Variants in NIPA1 observed in about 807,000 individuals in gnomAD.
NIPA1 encodes magnesium transporter NIPA1.
In NIPA1, 13 loss-of-function variants were observed where a neutral mutation model predicts 23.9. That is an observed-to-expected ratio of 0.54 (90% CI 0.35 to 0.87). NIPA1 has a LOEUF of 0.87. NIPA1 is among the 40% of genes least tolerant of loss of function. NIPA1 has a pLI of 0.01. For missense variants in NIPA1, 362 were observed against 429.7 expected (o/e 0.84, Z 1.39); for synonymous variants, 234 against 202.9 (o/e 1.15, Z -1.30).
intron 1 of NIPA1, among the ~76,000 whole-genome samples, chr15:22,798,736 T>A (rs2140854628): frequency 6.9e-6 from 1 of 144,914 alleles, no homozygotes; most frequent in Non-Finnish European, 1.5e-5. Context: ...CTCGGGAGTC[T>A]GAGGCAGGAG....
At chr15:22,822,719 C>T (rs1305197695) in intron 4 of NIPA1, among the ~76,000 whole-genome samples, 1 of 151,800 alleles carries the variant, frequency 6.6e-6, no homozygotes, top group Non-Finnish European at 1.5e-5. Context: ...CCCAGCTACT[C>T]AGGAGGCTGA....
At chr15:22,788,205 A>G (rs1894751866) in intron 1 of NIPA1, among the ~76,000 whole-genome samples, 1 of 152,102 alleles carries the variant, frequency 6.6e-6, no homozygotes, top group Admixed American at 6.6e-5. Flanking sequence ...AAACCGGAGT[A>G]GAAGAACATC....
intron 3 of NIPA1, among the ~76,000 whole-genome samples, chr15:22,815,266 T>C (rs1895394034): frequency 6.6e-6 from 1 of 152,222 alleles, no homozygotes; most frequent in Non-Finnish European, 1.5e-5. Context: ...ATGTATCAAA[T>C]CAACCTCCAT....
At chr15:22,793,335 G>A (rs1894870602) in intron 1 of NIPA1, among the ~76,000 whole-genome samples, 1 of 125,458 alleles carries the variant, frequency 8.0e-6, no homozygotes, top group Non-Finnish European at 1.6e-5. Context: ...CGCCAGCCAG[G>A]CTACGGAGTG....
chr15:22,808,881 G>T (rs1340490379), intron 1 of NIPA1, among the ~76,000 whole-genome samples: 1 of 151,822 alleles, frequency 6.6e-6, no homozygotes, highest in African/African-American at 2.4e-5. Flanking sequence ...TGTTGCCCAG[G>T]CTGACCTTGA....
In NIPA1 at chr15:22,828,060, C is replaced by A. The variant is rs529110333; in HGVS notation, c.*3821C>A. 1 of 152,558 alleles carries A rather than the reference C, an allele frequency of 6.6e-6. No homozygotes were observed. The highest frequency in any genetic ancestry group is 1.5e-5 in the Non-Finnish European group (1 of 68,044). 9.5% of individuals were successfully genotyped at this position (152,558 alleles called of 1,614,324 possible). A position where few individuals can be genotyped will look rare whatever the true frequency, so the allele number is the denominator to read the frequency against. ...GAAAGAGAACATTTCAGTGTAAGGT[C>A]TGTTCCCGACAGCATGGATTAGCTT... is the stretch of plus-strand genomic sequence containing the variant. On this transcript the variant is annotated 3_prime_UTR_variant, in exon 5 of 5. Coordinates refer to ENST00000337435, the MANE Select transcript of NIPA1 (RefSeq NM_144599.5).
chr15:22,813,577 GA>G, intron 3 of NIPA1: 1 of 450,006 alleles, frequency 2.2e-6, no homozygotes, highest in East Asian at 7.0e-5. Context: ...GGGTAGAAGA[GA>G]AATAAAATCC....
chr15:22,787,204 C>G (rs1000112263), intron 1 of NIPA1, among the ~76,000 whole-genome samples: 1 of 152,120 alleles, frequency 6.6e-6, no homozygotes, highest in Non-Finnish European at 1.5e-5. Context: ...TCGCCGTGGC[C>G]CGCAACCCGC....
chr15:22,820,530 T>A, intron 4 of NIPA1, 57 bp downstream of exon 4: 1 of 1,307,228 alleles, frequency 7.6e-7, no homozygotes, highest in South Asian at 1.2e-5. Flanking sequence ...GCCAACTTTT[T>A]TAACCACGTC....
At chr15:22,801,500 C>T (rs1264842079) in intron 1 of NIPA1, among the ~76,000 whole-genome samples, 1 of 137,282 alleles carries the variant, frequency 7.3e-6, no homozygotes, top group African/African-American at 2.8e-5. Flanking sequence ...GACAACACTT[C>T]TAGCGACTTT....
rs569217960 is a variant in NIPA1, at chr15:22,802,032, A to G, written c.179-8717A>G. ...TCCCATAGAAACTGCAAGAAACTTTATTACAGTGGTTAGTTGTATTAGGGT... is the reference window on the plus strand; with the variant it reads ...TCCCATAGAAACTGCAAGAAACTTTGTTACAGTGGTTAGTTGTATTAGGGT... On this transcript the variant is annotated intron_variant, in intron 1 of 4. Coordinates refer to ENST00000337435, the MANE Select transcript of NIPA1 (RefSeq NM_144599.5). Among the ~76,000 whole-genome samples the G allele has an allele frequency of 1.5e-4, 23 of 152,292 alleles. No individual in the cohort carries two copies. In the East Asian group the frequency reaches 3.5e-3, roughly 23 times the overall value.
chr15:22,811,077 C>T, intron 2 of NIPA1: 1 of 490,742 alleles, frequency 2.0e-6, no homozygotes, highest in Non-Finnish European at 3.7e-6. Flanking sequence ...TCAGTCCAGG[C>T]TGATCTGTCC....
intron 1 of NIPA1, among the ~76,000 whole-genome samples, chr15:22,798,326 G>A (rs143880030): frequency 0.097 from 14,079 of 145,504 alleles, 1,857 homozygotes; most frequent in East Asian, 0.43. Context: ...TGCAGGCTCC[G>A]CTTCCCGGGT....
intron 1 of NIPA1, among the ~76,000 whole-genome samples, chr15:22,804,821 G>C (rs957108246): frequency 4.6e-5 from 7 of 151,980 alleles, no homozygotes; most frequent in Non-Finnish European, 7.4e-5. Context: ...ATACTGTCTT[G>C]ATTATATAGT....
chr15:22,817,389 C>T (rs1204221254), intron 3 of NIPA1, among the ~76,000 whole-genome samples: 3 of 150,964 alleles, frequency 2.0e-5, no homozygotes, highest in African/African-American at 7.3e-5. Flanking sequence ...ATCCCAGCCA[C>T]TCGGGAGGCT....
intron 3 of NIPA1, among the ~76,000 whole-genome samples, chr15:22,817,541 G>T (rs1895451050): frequency 1.3e-5 from 2 of 150,912 alleles, no homozygotes; most frequent in African/African-American, 4.9e-5. Flanking sequence ...AGTGGCTGAT[G>T]CCTGTAATCC....
chr15:22,801,674 G>A (rs909334400), intron 1 of NIPA1, among the ~76,000 whole-genome samples: 11 of 151,880 alleles, frequency 7.2e-5, no homozygotes, highest in African/African-American at 2.2e-4. Flanking sequence ...CCGCCACCGC[G>A]CCCAGCTAAT....
chr15:22,801,225 A>T (rs961486832), intron 1 of NIPA1, among the ~76,000 whole-genome samples: 1 of 152,134 alleles, frequency 6.6e-6, no homozygotes, highest in Non-Finnish European at 1.5e-5. Flanking sequence ...TTACCGTTCT[A>T]CTTTTACAGG....
At chr15:22,820,883 C>T (rs1346384761) in intron 4 of NIPA1, among the ~76,000 whole-genome samples, 1 of 152,128 alleles carries the variant, frequency 6.6e-6, no homozygotes, top group Non-Finnish European at 1.5e-5. Context: ...CTCCCTCCAG[C>T]GTGAAGCTCT....
Sources: gnomAD v4.1 joint callset for allele counts (sites outside exome capture counted in the v4.1 genomes callset) on GRCh38, gnomAD v4.1.1 for gene constraint, MANE v1.5 for transcripts, NCBI Gene and HGNC (gene_info 2026-07-23, HGNC 2026-07-21) for gene names.